Variants in HSD17B12 observed in about 807,000 individuals in gnomAD.
HSD17B12 encodes very-long-chain 3-oxoacyl-CoA reductase.
In HSD17B12, 32 loss-of-function variants were observed where a neutral mutation model predicts 39.3. The observed-to-expected ratio is 0.81, with a 90% CI of 0.61 to 1.09. HSD17B12 has a LOEUF of 1.09. HSD17B12 is among the 50% of genes least tolerant of loss of function. HSD17B12 has a pLI of 0.00. For synonymous variants in HSD17B12, 150 were observed against 146.7 expected, an observed-to-expected ratio of 1.02 and a Z score of -0.16; for missense variants, 342 against 382.9, an observed-to-expected ratio of 0.89 and a Z score of 0.89.
intron 7 of HSD17B12, chr11:43,833,267 G>C (rs1951332025): frequency 6.6e-6 from 1 of 152,228 alleles, no homozygotes; most frequent in African/African-American, 2.4e-5. Flanking sequence ...TGTCAGTCAA[G>C]GTAAGCTACC....
the HSD17B12 span, among the ~76,000 whole-genome samples, chr11:43,659,764 CAGACAA>C: frequency 1.1e-4 from 16 of 152,186 alleles, no homozygotes; most frequent in African/African-American, 3.9e-4. Flanking sequence ...AGTAATAAAA[CAGACAA>C]ACTAATTAAA....
intron 1 of HSD17B12, among the ~76,000 whole-genome samples, chr11:43,711,481 T>G (rs1289916321): frequency 2.1e-4 from 31 of 150,600 alleles, no homozygotes; most frequent in Non-Finnish European, 3.8e-4. Flanking sequence ...TTGGTTTTTT[T>G]TTTTTTTTTT....
chr11:43,618,436 A>G, the HSD17B12 span, among the ~76,000 whole-genome samples: 2 of 152,262 alleles, frequency 1.3e-5, no homozygotes, highest in African/African-American at 4.8e-5. Context: ...TATAAAAACA[A>G]GAAATATTCT....
the HSD17B12 span, among the ~76,000 whole-genome samples, chr11:43,647,997 C>G: frequency 6.6e-6 from 1 of 152,132 alleles, no homozygotes; most frequent in Non-Finnish European, 1.5e-5. Flanking sequence ...CCAACACTTA[C>G]TTCAAAATGC....
chr11:43,729,210 G>A (rs1051606196), intron 1 of HSD17B12, among the ~76,000 whole-genome samples: 1 of 152,148 alleles, frequency 6.6e-6, no homozygotes, highest in Non-Finnish European at 1.5e-5. Context: ...AGATGTCCTT[G>A]CATCTTAGGG....
chr11:43,790,243 C>T, intron 3 of HSD17B12, among the ~76,000 whole-genome samples: 1 of 152,174 alleles, frequency 6.6e-6, no homozygotes. Context: ...AATAGTACAT[C>T]ATGACCATTG....
At chr11:43,785,020 G>A (rs1950802734) in intron 3 of HSD17B12, among the ~76,000 whole-genome samples, 1 of 152,062 alleles carries the variant, frequency 6.6e-6, no homozygotes, top group African/African-American at 2.4e-5. Flanking sequence ...GGTCTCTCAT[G>A]TTAGCTTTTC....
chr11:43,801,179 G>C (rs891006039), intron 4 of HSD17B12, among the ~76,000 whole-genome samples: 1 of 151,990 alleles, frequency 6.6e-6, no homozygotes, highest in Non-Finnish European at 1.5e-5. Flanking sequence ...TATTTATGTA[G>C]TATAATGTTC....
chr11:43,827,730 TAATCTA>T (rs1341366642), intron 6 of HSD17B12, among the ~76,000 whole-genome samples: 7 of 152,226 alleles, frequency 4.6e-5, no homozygotes, highest in African/African-American at 1.2e-4. Context: ...TAAATAATCT[TAATCTA>T]ATAGTACTGA....
At chr11:43,692,271 T>C (rs1237100747) in intron 1 of HSD17B12, among the ~76,000 whole-genome samples, 1 of 152,214 alleles carries the variant, frequency 6.6e-6, no homozygotes, top group Non-Finnish European at 1.5e-5. Flanking sequence ...TTGTGAACTG[T>C]TTTTTCTCCT....
At chr11:43,623,114 A>G in the HSD17B12 span, among the ~76,000 whole-genome samples, 11 of 152,300 alleles carry the variant, frequency 7.2e-5, no homozygotes, top group Middle Eastern at 3.4e-3. Flanking sequence ...TTTAAGCCCA[A>G]TTGGTTAACA....
chr11:43,579,913 G>A, the HSD17B12 span, among the ~76,000 whole-genome samples: 4 of 152,078 alleles, frequency 2.6e-5, no homozygotes, highest in Admixed American at 2.6e-4. Flanking sequence ...CGATTCCAGG[G>A]TGCCAAAGAA....
chr11:43,583,040 T>G, the HSD17B12 span, among the ~76,000 whole-genome samples: 2 of 152,178 alleles, frequency 1.3e-5, no homozygotes, highest in Non-Finnish European at 2.9e-5. Flanking sequence ...TAATAATAGC[T>G]TCACCCTGTG....
the HSD17B12 span, among the ~76,000 whole-genome samples, chr11:43,594,093 G>A: frequency 4.6e-5 from 7 of 151,724 alleles, no homozygotes; most frequent in East Asian, 1.9e-4. Context: ...AAGGGGAAAC[G>A]GTCAATGCAT....
rs551041136 is a variant in HSD17B12, at chr11:43,832,569, A to G, written c.536+1559A>G. On this transcript the variant is annotated intron_variant, in intron 7 of 10. Coordinates refer to ENST00000278353, the MANE Select transcript of HSD17B12 (RefSeq NM_016142.3). ...TGAAGCTATACAGTTAGTAAATAAT[A>G]CAAAACCAAGAAGCTGGGAACTTCA... Among the ~76,000 whole-genome samples, 373 of 152,346 alleles carry G rather than the reference A, an allele frequency of 2.4e-3. 2 individuals carry two copies. The highest frequency in any genetic ancestry group is 4.2e-3 in the Non-Finnish European group (284 of 68,024).
At chr11:43,720,430 A>T (rs1169295656) in intron 1 of HSD17B12, among the ~76,000 whole-genome samples, 1 of 152,206 alleles carries the variant, frequency 6.6e-6, no homozygotes. Context: ...CAAACATTCC[A>T]CCACTGTGTA....
At chr11:43,571,413 C>T in the HSD17B12 span, among the ~76,000 whole-genome samples, 2 of 152,166 alleles carry the variant, frequency 1.3e-5, no homozygotes, top group Non-Finnish European at 2.9e-5. Flanking sequence ...CTTGCTTTAG[C>T]TCCCCTGTCT....
At chr11:43,759,768 C>T (rs997321625) in intron 3 of HSD17B12, among the ~76,000 whole-genome samples, 5 of 151,946 alleles carry the variant, frequency 3.3e-5, no homozygotes, top group African/African-American at 4.8e-5. Context: ...TACTTTGTCA[C>T]GCAGGCTGGA....
chr11:43,825,153 G>A (rs909500251), intron 6 of HSD17B12, among the ~76,000 whole-genome samples: 1 of 151,618 alleles, frequency 6.6e-6, no homozygotes, highest in Non-Finnish European at 1.5e-5. Context: ...AATTTGGAGT[G>A]GAGGGACACA....
Sources: gnomAD v4.1 joint callset for allele counts (sites outside exome capture counted in the v4.1 genomes callset) on GRCh38, gnomAD v4.1.1 for gene constraint, MANE v1.5 for transcripts, NCBI Gene and HGNC (gene_info 2026-07-23, HGNC 2026-07-21) for gene names.